THRAP3: variants seen among roughly 807,000 people sequenced by gnomAD.
The protein encoded by THRAP3 is thyroid hormone receptor associated protein 3.
In THRAP3, 16 loss-of-function variants were observed where a neutral mutation model predicts 101.0. The ratio of observed to expected loss-of-function variants is 0.16; its 90% CI spans 0.11 to 0.24. The LOEUF (loss-of-function observed/expected upper bound fraction) is 0.24. THRAP3 is among the 10% of genes least tolerant of loss of function. THRAP3 has a pLI of 1.00. For synonymous variants in THRAP3, 407 were observed against 422.6 expected, an observed-to-expected ratio of 0.96 and a Z score of 0.45; for missense variants, 989 against 1,202.7, an observed-to-expected ratio of 0.82 and a Z score of 2.63.
In THRAP3 at chr1:36,287,620, A is replaced by G. The variant is rs1645813066; in HGVS notation, c.1040+350A>G. The stretch of plus-strand genomic sequence containing the variant: ...ATGGTCTTTGCCAAAATGAATGGCC[A>G]TTGGAGCTCTTAGACCCTCTAGCAC... On this transcript the variant is annotated intron_variant, in intron 4 of 11. Coordinates refer to ENST00000354618, the MANE Select transcript of THRAP3 (RefSeq NM_005119.4). 5 of 985,416 alleles carry G rather than the reference A, an allele frequency of 5.1e-6. No individual in the cohort carries two copies. In the Admixed American group the frequency reaches 3.1e-4, roughly 60 times the overall value. 61.0% of individuals were successfully genotyped at this position (985,416 alleles called of 1,614,324 possible).
chr1:36,215,085 A>C, the THRAP3 span, among the ~76,000 whole-genome samples: 1 of 151,644 alleles, frequency 6.6e-6, no homozygotes, highest in African/African-American at 2.4e-5. Context: ...TTAGCCGAGC[A>C]TGGTGGCGGG....
At chr1:36,208,726 G>C in the THRAP3 span, among the ~76,000 whole-genome samples, 1 of 151,888 alleles carries the variant, frequency 6.6e-6, no homozygotes, top group African/African-American at 2.4e-5. Context: ...GTATGCAGTG[G>C]CACGATCTCG....
chr1:36,218,346 T>C, the THRAP3 span, among the ~76,000 whole-genome samples: 64 of 142,656 alleles, frequency 4.5e-4, no homozygotes, highest in Non-Finnish European at 6.9e-4. Context: ...GAGCAGAGAT[T>C]GCATCACTCA....
At chr1:36,225,758 C>T (rs998331573) in intron 1 of THRAP3, among the ~76,000 whole-genome samples, 1 of 152,200 alleles carries the variant, frequency 6.6e-6, no homozygotes, top group Non-Finnish European at 1.5e-5. Context: ...CTGCCATGAA[C>T]AACTTGTGGA....
intron 2 of THRAP3, among the ~76,000 whole-genome samples, chr1:36,278,705 C>G (rs1181635558): frequency 6.6e-6 from 1 of 152,024 alleles, no homozygotes; most frequent in African/African-American, 2.4e-5. Context: ...GGGCGGATCA[C>G]GAAGTCAGGA....
At chr1:36,240,672 C>T (rs1035912431) in intron 1 of THRAP3, among the ~76,000 whole-genome samples, 5 of 152,154 alleles carry the variant, frequency 3.3e-5, no homozygotes, top group Non-Finnish European at 5.9e-5. Context: ...TTAACCATCA[C>T]AGCCCTTAAC....
intron 2 of THRAP3, among the ~76,000 whole-genome samples, chr1:36,279,342 T>G (rs986477518): frequency 6.6e-5 from 10 of 152,164 alleles, no homozygotes; most frequent in African/African-American, 2.4e-4. Flanking sequence ...TAGATAGATA[T>G]CCCTGAACTT....
chr1:36,259,639 A>G (rs1645419195), intron 2 of THRAP3, among the ~76,000 whole-genome samples, 155 bp downstream of exon 2: 1 of 151,980 alleles, frequency 6.6e-6, no homozygotes, highest in Non-Finnish European at 1.5e-5. Flanking sequence ...GGTGATACAC[A>G]TCTGTGGTCC....
intron 1 of THRAP3, among the ~76,000 whole-genome samples, chr1:36,253,337 C>T (rs1243467535): frequency 6.6e-6 from 1 of 152,092 alleles, no homozygotes; most frequent in African/African-American, 2.4e-5. Flanking sequence ...CTTAGCTGCA[C>T]AGTTAGACAG....
intron 1 of THRAP3, among the ~76,000 whole-genome samples, chr1:36,256,382 C>T (rs568779936): frequency 6.6e-5 from 10 of 151,702 alleles, no homozygotes; most frequent in Non-Finnish European, 1.3e-4. Flanking sequence ...CCCGCCACCA[C>T]GCCTGGCTAA....
intron 1 of THRAP3, among the ~76,000 whole-genome samples, chr1:36,229,412 G>GT (rs1453155517): frequency 0.016 from 1,315 of 80,896 alleles, 34 homozygotes; most frequent in African/African-American, 0.046. Flanking sequence ...TTTTTTTTTT[G>GT]TTTTTTTTTT....
chr1:36,256,070 G>A (rs887806019), intron 1 of THRAP3, among the ~76,000 whole-genome samples: 1 of 151,922 alleles, frequency 6.6e-6, no homozygotes, highest in Admixed American at 6.6e-5. Context: ...AGGCTGGAGT[G>A]CAGTAGTGTG....
At chr1:36,295,588 C>T (rs964842660) in intron 8 of THRAP3, among the ~76,000 whole-genome samples, 3 of 152,012 alleles carry the variant, frequency 2.0e-5, no homozygotes, top group African/African-American at 4.8e-5. Context: ...CTCCTCCCTT[C>T]CTTCCTCCCT....
chr1:36,215,085 A>G, the THRAP3 span, among the ~76,000 whole-genome samples: 2 of 151,644 alleles, frequency 1.3e-5, no homozygotes, highest in Non-Finnish European at 2.9e-5. Context: ...TTAGCCGAGC[A>G]TGGTGGCGGG....
At chr1:36,268,202 T>TA (rs1232862530) in intron 2 of THRAP3, among the ~76,000 whole-genome samples, 1 of 151,802 alleles carries the variant, frequency 6.6e-6, no homozygotes, top group African/African-American at 2.4e-5. Context: ...AGAAAGGAAT[T>TA]ACCCTTTTTC....
the THRAP3 span, among the ~76,000 whole-genome samples, chr1:36,218,975 G>A: frequency 6.7e-6 from 1 of 148,258 alleles, no homozygotes; most frequent in Non-Finnish European, 1.5e-5. Context: ...GGAGGTGGCA[G>A]TGAGCTGAGA....
At chr1:36,214,030 GAAAGAAAGAAAGAAA>G in the THRAP3 span, among the ~76,000 whole-genome samples, 1 of 141,044 alleles carries the variant, frequency 7.1e-6, no homozygotes. Flanking sequence ...AAGAAAGAAA[GAAAGAAAGAAAGAAA>G]GAAAGAAAGA....
chr1:36,302,906 C>T (rs2124653170), intron 11 of THRAP3, among the ~76,000 whole-genome samples: 1 of 152,274 alleles, frequency 6.6e-6, no homozygotes, highest in East Asian at 1.9e-4. Flanking sequence ...ACACTGCCTC[C>T]TTGCATAAAA....
At chr1:36,235,664 A>G (rs893157568) in intron 1 of THRAP3, among the ~76,000 whole-genome samples, 8 of 152,194 alleles carry the variant, frequency 5.3e-5, no homozygotes, top group African/African-American at 1.9e-4. Flanking sequence ...TGGTAGCAGT[A>G]TAAATTGCTG....
Sources: allele counts gnomAD v4.1 joint callset (sites outside exome capture counted in the v4.1 genomes callset), GRCh38; gene constraint gnomAD v4.1.1; transcripts MANE v1.5; gene names NCBI Gene and HGNC (gene_info 2026-07-23, HGNC 2026-07-21).